Variants in DPP10 observed in about 807,000 individuals in gnomAD.
DPP10 encodes the protein dipeptidyl peptidase like 10, also known as inactive dipeptidyl peptidase 10.
A neutral mutation model predicts 120.9 loss-of-function variants in DPP10; 33 were observed. The observed-to-expected ratio is 0.27, with a 90% CI of 0.21 to 0.37. The LOEUF (loss-of-function observed/expected upper bound fraction) is 0.37. Ranked by LOEUF, DPP10 falls within the 10% of genes least tolerant of loss-of-function variation. The probability of loss-of-function intolerance (pLI) is 1.00; values close to 1 mark genes in which losing one functional copy is unlikely to be tolerated. For synonymous variants in DPP10, 337 were observed against 326.1 expected (o/e 1.03, Z -0.36); for missense variants, 816 against 942.8 (o/e 0.87, Z 1.76).
intron 1 of DPP10, among the ~76,000 whole-genome samples, chr2:114,521,786 T>C (rs1685071275): frequency 6.7e-6 from 1 of 149,818 alleles, no homozygotes; most frequent in Non-Finnish European, 1.5e-5. Context: ...TGTATAATTA[T>C]AGATACTATT....
At chr2:115,416,055 A>G (rs2069399776) in intron 3 of DPP10, among the ~76,000 whole-genome samples, 1 of 151,826 alleles carries the variant, frequency 6.6e-6, no homozygotes, top group Non-Finnish European at 1.5e-5. Context: ...ATTTTTGGTT[A>G]CTCTATCTTC....
intron 2 of DPP10, among the ~76,000 whole-genome samples, chr2:115,334,234 T>TTTTTTTTTTTTTTTTTTTTTTGTTTTTTG (rs2062973813): frequency 7.3e-6 from 1 of 136,452 alleles, no homozygotes; most frequent in Non-Finnish European, 1.6e-5. Flanking sequence ...GACTCTGTTT[T>TTTTTTTTTTTTTTTTTTTTTTGTTTTTTG]TTTTTTTTTT....
chr2:115,156,388 C>A, intron 1 of DPP10, among the ~76,000 whole-genome samples: 1 of 152,238 alleles, frequency 6.6e-6, no homozygotes, highest in East Asian at 1.9e-4. Flanking sequence ...CCAGAATCTT[C>A]GACTATCTCT....
At chr2:114,862,250 C>T (rs1689863468) in intron 1 of DPP10, among the ~76,000 whole-genome samples, 1 of 140,970 alleles carries the variant, frequency 7.1e-6, no homozygotes, top group African/African-American at 2.6e-5. Context: ...ATCTGGAAAG[C>T]CATCACATAC....
intron 5 of DPP10, among the ~76,000 whole-genome samples, chr2:115,627,441 A>C (rs2085456053): frequency 6.6e-6 from 1 of 152,180 alleles, no homozygotes; most frequent in Non-Finnish European, 1.5e-5. Flanking sequence ...GTGGACAGCA[A>C]GATTTATAGT....
intron 1 of DPP10, among the ~76,000 whole-genome samples, chr2:115,051,469 G>A (rs1705477092): frequency 6.6e-6 from 1 of 152,016 alleles, no homozygotes. Flanking sequence ...AATGCTAAAG[G>A]GAGTACTTCA....
intron 1 of DPP10, among the ~76,000 whole-genome samples, chr2:114,975,946 C>G (rs963594509): frequency 6.6e-6 from 1 of 152,160 alleles, no homozygotes; most frequent in Non-Finnish European, 1.5e-5. Context: ...CCACTGTACC[C>G]AGCCAATCAA....
At chr2:115,751,810 T>C (rs1025770616) in intron 10 of DPP10, among the ~76,000 whole-genome samples, 3 of 151,686 alleles carry the variant, frequency 2.0e-5, no homozygotes, top group Non-Finnish European at 2.9e-5. Flanking sequence ...GTTGTTTTTT[T>C]TTTTTTGAGA....
chr2:115,242,301 A>G (rs1017796909), intron 1 of DPP10, among the ~76,000 whole-genome samples: 12 of 151,608 alleles, frequency 7.9e-5, no homozygotes, highest in African/African-American at 1.7e-4. Flanking sequence ...ATAATCTCCA[A>G]TCCCATCCAG....
chr2:115,177,762 T>TTGTTTG (rs59235869), intron 1 of DPP10, among the ~76,000 whole-genome samples: 15 of 150,846 alleles, frequency 9.9e-5, no homozygotes, highest in East Asian at 9.9e-4. Flanking sequence ...TTGTTTTTGT[T>TTGTTTG]TTTGTTTGTT....
intron 1 of DPP10, among the ~76,000 whole-genome samples, chr2:114,781,749 G>A (rs963930514): frequency 2.0e-5 from 3 of 151,918 alleles, no homozygotes; most frequent in African/African-American, 4.8e-5. Context: ...GCCAAGCCTC[G>A]TGATCTCAGC....
intron 5 of DPP10, among the ~76,000 whole-genome samples, chr2:115,554,643 A>G (rs1253067396): frequency 6.6e-6 from 1 of 152,082 alleles, no homozygotes; most frequent in Non-Finnish European, 1.5e-5. Flanking sequence ...TTGCTCAGGA[A>G]TCCTTCCGAA....
intron 1 of DPP10, among the ~76,000 whole-genome samples, chr2:114,825,562 T>C (rs1300436251): frequency 6.6e-6 from 1 of 152,192 alleles, no homozygotes; most frequent in Non-Finnish European, 1.5e-5. Context: ...TCCCGAAGAA[T>C]TACTTTCTTA....
intron 1 of DPP10, among the ~76,000 whole-genome samples, chr2:115,102,176 C>T (rs1342046788): frequency 6.6e-6 from 1 of 152,172 alleles, no homozygotes; most frequent in African/African-American, 2.4e-5. Flanking sequence ...CAGACAGCTG[C>T]CTTCTCACTG....
intron 3 of DPP10, among the ~76,000 whole-genome samples, chr2:115,375,442 TAAAC>T (rs1210555711): frequency 5.3e-5 from 8 of 152,166 alleles, no homozygotes; most frequent in African/African-American, 1.9e-4. Context: ...TGGAAACAAT[TAAAC>T]AAGTATCTGG....
At chr2:115,196,165 C>T in intron 1 of DPP10, among the ~76,000 whole-genome samples, 1 of 152,146 alleles carries the variant, frequency 6.6e-6, no homozygotes, top group Non-Finnish European at 1.5e-5. Context: ...CCAGAGATTT[C>T]CCCCTGTGGT....
intron 1 of DPP10, among the ~76,000 whole-genome samples, chr2:114,766,960 A>G (rs74476138): frequency 0.036 from 5,505 of 151,946 alleles, 172 homozygotes; most frequent in Middle Eastern, 0.054. Flanking sequence ...ACTCAGGTAA[A>G]AATGGTGAAC....
intron 1 of DPP10, among the ~76,000 whole-genome samples, chr2:115,217,197 T>C (rs1366796577): frequency 6.6e-6 from 1 of 152,184 alleles, no homozygotes; most frequent in Non-Finnish European, 1.5e-5. Flanking sequence ...CTACGTCTGC[T>C]AATTACCAGC....
intron 1 of DPP10, among the ~76,000 whole-genome samples, chr2:114,511,810 C>T (rs565874864): frequency 1.2e-4 from 18 of 152,320 alleles, no homozygotes; most frequent in African/African-American, 2.9e-4. Flanking sequence ...TGAACTAACA[C>T]GAGCAGCCCA....
Sources: gnomAD v4.1 joint callset for allele counts (sites outside exome capture counted in the v4.1 genomes callset) on GRCh38, gnomAD v4.1.1 for gene constraint, MANE v1.5 for transcripts, NCBI Gene and HGNC (gene_info 2026-07-23, HGNC 2026-07-21) for gene names.